Variants in FRYL observed in about 807,000 individuals in gnomAD.
FRYL encodes FRY like transcription coactivator, also known as protein furry homolog-like.
A neutral mutation model predicts 351.2 loss-of-function variants in FRYL; 150 were observed. The ratio of observed to expected loss-of-function variants is 0.43; its 90% CI spans 0.37 to 0.49. The LOEUF is 0.49. FRYL is among the 20% of genes least tolerant of loss of function. The pLI, the probability that FRYL is intolerant of heterozygous loss-of-function variation, is 0.00. For missense variants in FRYL, 3,036 were observed against 3,619.3 expected, an observed-to-expected ratio of 0.84 and a Z score of 4.13; for synonymous variants, 1,153 against 1,257.1, an observed-to-expected ratio of 0.92 and a Z score of 1.75.
chr4:48,653,108 G>T (rs1303520626), intron 3 of FRYL, among the ~76,000 whole-genome samples: 2 of 152,178 alleles, frequency 1.3e-5, no homozygotes, highest in Non-Finnish European at 2.9e-5. Flanking sequence ...TCATATGTTA[G>T]GAAGAGAGTT....
intron 4 of FRYL, among the ~76,000 whole-genome samples, chr4:48,628,440 G>GTGTA (rs1752293917): frequency 6.6e-6 from 1 of 151,000 alleles, no homozygotes; most frequent in Non-Finnish European, 1.5e-5. Flanking sequence ...GCGTGTGTGT[G>GTGTA]TGTGTGTGTG....
chr4:48,641,405 A>C (rs1755287983), intron 3 of FRYL, among the ~76,000 whole-genome samples: 1 of 152,132 alleles, frequency 6.6e-6, no homozygotes, highest in Non-Finnish European at 1.5e-5. Context: ...TAGTCTAACA[A>C]ATCTATTCTT....
intron 3 of FRYL, among the ~76,000 whole-genome samples, chr4:48,661,375 A>G (rs1219773553): frequency 6.6e-6 from 1 of 152,216 alleles, no homozygotes; most frequent in Admixed American, 6.5e-5. Context: ...AAATAAGAGG[A>G]ACACTACAAG....
At chr4:48,578,741 T>C (rs1451819269) in intron 23 of FRYL, among the ~76,000 whole-genome samples, 3 of 152,196 alleles carry the variant, frequency 2.0e-5, no homozygotes, top group African/African-American at 4.8e-5. Flanking sequence ...AGTACAGTGT[T>C]ATTAAGTAAA....
intron 3 of FRYL, among the ~76,000 whole-genome samples, chr4:48,673,374 C>A (rs528691692): frequency 5.3e-5 from 8 of 152,140 alleles, no homozygotes; most frequent in East Asian, 3.9e-4. Context: ...TTGATAGATA[C>A]ACTAGTCTTT....
intron 2 of FRYL, among the ~76,000 whole-genome samples, chr4:48,685,235 T>A (rs976855200): frequency 2.0e-5 from 3 of 152,180 alleles, no homozygotes; most frequent in Non-Finnish European, 4.4e-5. Context: ...ACATTAATAA[T>A]CATCTACTAC....
intron 1 of FRYL, among the ~76,000 whole-genome samples, chr4:48,723,688 A>T (rs1292193233): frequency 6.6e-6 from 1 of 152,122 alleles, no homozygotes; most frequent in Non-Finnish European, 1.5e-5. Context: ...TACTCTAGAC[A>T]GAATCACCAT....
At chr4:48,534,024 C>T (rs765489040) in intron 49 of FRYL, among the ~76,000 whole-genome samples, 9 of 152,034 alleles carry the variant, frequency 5.9e-5, no homozygotes, top group Non-Finnish European at 1.0e-4. Flanking sequence ...GTCAGGAGTT[C>T]GAGACCAGCC....
chr4:48,542,677 A>G (rs1730480221), intron 44 of FRYL, among the ~76,000 whole-genome samples: 2 of 152,264 alleles, frequency 1.3e-5, no homozygotes, highest in South Asian at 4.1e-4. Flanking sequence ...CAGCCTCCCA[A>G]AGTGCTGGGA....
At chr4:48,519,309 C>T (rs1724364977) in intron 55 of FRYL, among the ~76,000 whole-genome samples, 1 of 152,088 alleles carries the variant, frequency 6.6e-6, no homozygotes, top group African/African-American at 2.4e-5. Flanking sequence ...TTTAGCTAGA[C>T]ACATCATGCT....
intron 1 of FRYL, among the ~76,000 whole-genome samples, chr4:48,715,473 C>G (rs1156558808): frequency 2.0e-5 from 3 of 151,740 alleles, no homozygotes; most frequent in African/African-American, 7.3e-5. Flanking sequence ...TTCTTATACA[C>G]CAATAACAGA....
intron 2 of FRYL, among the ~76,000 whole-genome samples, chr4:48,700,852 T>C (rs2149574900): frequency 6.6e-6 from 1 of 151,752 alleles, no homozygotes; most frequent in East Asian, 1.9e-4. Context: ...CCAAACTAAA[T>C]GCATTATAAT....
At chr4:48,727,693 A>G (rs1441103224) in intron 1 of FRYL, among the ~76,000 whole-genome samples, 8 of 152,158 alleles carry the variant, frequency 5.3e-5, no homozygotes, top group Non-Finnish European at 1.2e-4. Context: ...ATGCACCACA[A>G]CATTCTGTTT....
At chr4:48,645,359 C>T (rs112264841) in intron 3 of FRYL, among the ~76,000 whole-genome samples, 3,241 of 151,898 alleles carry the variant, frequency 0.021, 49 homozygotes, top group Middle Eastern at 0.061. Flanking sequence ...TCTGTGCAAC[C>T]TTCTGATAAT....
At chr4:48,591,118 C>T (rs1183331932) in intron 16 of FRYL, among the ~76,000 whole-genome samples, 2 of 152,020 alleles carry the variant, frequency 1.3e-5, no homozygotes, top group African/African-American at 4.8e-5. Context: ...TCTATGGTCC[C>T]GTCCCCTCCC....
chr4:48,543,794 T>A lies in FRYL; in HGVS notation c.5592+13A>T, dbSNP rs1319106798. 2 of 1,607,872 alleles carry A rather than the reference T, an allele frequency of 1.2e-6. No homozygotes were observed. The highest frequency in any genetic ancestry group is 2.7e-5 in the African/African-American group (2 of 74,526). On this transcript the variant is annotated intron_variant, in intron 44 of 63. Coordinates refer to ENST00000358350, the MANE Select transcript of FRYL (RefSeq NM_015030.2). The stretch of plus-strand genomic sequence containing the variant: ...AGCTGCTCAATAACTGCTGAAAGAA[T>A]ATAAGGAAATACCTGTGCATCTTCT...
intron 1 of FRYL, among the ~76,000 whole-genome samples, chr4:48,768,813 T>C (rs1325979596): frequency 6.7e-6 from 1 of 149,828 alleles, no homozygotes; most frequent in African/African-American, 2.5e-5. Context: ...AAAGGTACAA[T>C]TCATAGAACA....
intron 3 of FRYL, 51 bp from the exon 4 acceptor site, chr4:48,634,541 G>A (rs879171710): frequency 2.0e-5 from 29 of 1,432,664 alleles, no homozygotes; most frequent in South Asian, 7.2e-5. Context: ...CAACTCAAGA[G>A]GTCTACCATA....
At position 48,598,883 on chromosome 4, in the gene FRYL, G is replaced by A. The variant is rs889374762; in HGVS notation, c.1036-2883C>T. ...TGTTGTTAGATGGCATCTAAATAAA[G>A]CAATGTGAGACAGCAAACATAAACA... On this transcript the variant is annotated intron_variant, in intron 13 of 63. Transcript: ENST00000358350. The A allele has an allele frequency of 2.0e-5, 20 of 982,588 alleles. No individual in the cohort carries two copies. The African/African-American group carries it at 3.5e-4, about 17-fold the overall frequency. 60.9% of individuals were successfully genotyped at this position (982,588 alleles called of 1,614,324 possible). A position where few individuals can be genotyped will look rare whatever the true frequency, so the allele number is the denominator to read the frequency against.
Sources: gnomAD v4.1 joint callset for allele counts (sites outside exome capture counted in the v4.1 genomes callset) on GRCh38, gnomAD v4.1.1 for gene constraint, MANE v1.5 for transcripts, NCBI Gene and HGNC (gene_info 2026-07-23, HGNC 2026-07-21) for gene names.